Variants in USH2A observed in about 807,000 individuals in gnomAD.
USH2A encodes the protein usherin, also known as Usher syndrome 2A (autosomal recessive, mild).
USH2A carries 443 observed loss-of-function variants against 538.9 expected under a neutral mutation model. That is an observed-to-expected ratio of 0.82 (90% CI 0.76 to 0.89). The LOEUF is 0.89. Ranked by LOEUF, USH2A falls within the 40% of genes least tolerant of loss-of-function variation. The pLI, the probability that USH2A is intolerant of heterozygous loss-of-function variation, is 0.00. For missense variants in USH2A, 6,633 were observed against 6,324.8 expected (o/e 1.05, Z -1.65); for synonymous variants, 2,413 against 2,273.5 (o/e 1.06, Z -1.75).
intron 21 of USH2A, among the ~76,000 whole-genome samples, chr1:216,134,782 T>C (rs2033447962): frequency 6.6e-6 from 1 of 152,126 alleles, no homozygotes; most frequent in African/African-American, 2.4e-5. Flanking sequence ...CAGAAACCAT[T>C]GCTTGATTGT....
rs999742801 is a variant in USH2A, at chr1:215,743,600, G to C, written c.11390-265C>G. On this transcript the variant is annotated intron_variant, in intron 58 of 71. Coordinates refer to ENST00000307340, the MANE Select transcript of USH2A (RefSeq NM_206933.4). ...TCCCAGCACTTTGGGAGGTTGAGGT[G>C]GGCTGATCACAAGGTCAGGAGATGG... Among the ~76,000 whole-genome samples, 4 of 151,210 alleles carry C rather than the reference G, an allele frequency of 2.6e-5. No homozygotes were observed. In the East Asian group the frequency reaches 7.8e-4, roughly 30 times the overall value.
At chr1:215,664,867 C>T (rs1558043564) in intron 64 of USH2A, among the ~76,000 whole-genome samples, 1 of 152,130 alleles carries the variant, frequency 6.6e-6, no homozygotes, top group Non-Finnish European at 1.5e-5. Flanking sequence ...TGACCTTGTA[C>T]TTTCCCGCCT....
At chr1:216,055,974 C>T (rs17025974) in intron 30 of USH2A, among the ~76,000 whole-genome samples, 6,064 of 152,238 alleles carry the variant, frequency 0.04, 425 homozygotes, top group African/African-American at 0.14. Flanking sequence ...GATGTTGATT[C>T]TTACAAACAG....
intron 40 of USH2A, among the ~76,000 whole-genome samples, chr1:215,897,569 A>G (rs1405680580): frequency 4.6e-5 from 7 of 151,964 alleles, no homozygotes; most frequent in Non-Finnish European, 8.8e-5. Context: ...GGCATCTGTA[A>G]TCCCAGCTAC....
At chr1:215,960,748 C>G (rs1419524633) in intron 37 of USH2A, among the ~76,000 whole-genome samples, 2 of 151,962 alleles carry the variant, frequency 1.3e-5, no homozygotes, top group Non-Finnish European at 2.9e-5. Context: ...TAATTTTTGC[C>G]ATTCACATGT....
chr1:216,097,353 C>T, intron 21 of USH2A, 140 bp from the exon 22 acceptor site: 1 of 1,456,830 alleles, frequency 6.9e-7, no homozygotes, highest in Non-Finnish European at 9.4e-7. Context: ...CTCGCATGGT[C>T]TAGGCCATTT....
At chr1:215,680,991 G>A (rs891290500) in intron 61 of USH2A, among the ~76,000 whole-genome samples, 3 of 152,006 alleles carry the variant, frequency 2.0e-5, no homozygotes, top group African/African-American at 7.3e-5. Flanking sequence ...TATTAATATA[G>A]ATATAAAAAT....
In USH2A at chr1:216,000,479, A is replaced by T. The variant is rs1173524277; in HGVS notation, c.6409T>A (p.Tyr2137Asn). 1 of 1,613,710 alleles carries T rather than the reference A, an allele frequency of 6.2e-7. No individual in the cohort carries two copies. The highest frequency in any genetic ancestry group is 8.5e-7 in the Non-Finnish European group (1 of 1,179,722). Residue 2137 changes from tyrosine to asparagine, a missense_variant, in exon 33 of 72, where the codon TAC becomes AAC. Coordinates refer to ENST00000307340, the MANE Select transcript of USH2A (RefSeq NM_206933.4). ...TGTTCTGGTGGCAGCTGTGCTGTGT[A>T]CAGTAGGACCCAGGAACTGTTTGTA... ...GCTNSSWVLL[Y>N]TAQLPPEHVD...
chr1:216,086,679 A>T, intron 24 of USH2A, 40 bp downstream of exon 24: 1 of 1,409,384 alleles, frequency 7.1e-7, no homozygotes, highest in Non-Finnish European at 1.0e-6. Flanking sequence ...TTCTATTCTA[A>T]GTTTGGATGA....
chr1:216,288,433 C>A (rs559476208), intron 11 of USH2A, among the ~76,000 whole-genome samples: 2 of 152,132 alleles, frequency 1.3e-5, no homozygotes, highest in African/African-American at 4.8e-5. Flanking sequence ...TTTGGGAAAG[C>A]AATTTTTAAT....
intron 38 of USH2A, among the ~76,000 whole-genome samples, chr1:215,923,413 G>T (rs1666151995): frequency 6.6e-6 from 1 of 152,034 alleles, no homozygotes; most frequent in Admixed American, 6.6e-5. Flanking sequence ...ACTCTTTGAG[G>T]GGCAACATGG....
At chr1:215,973,924 T>A (rs1041559854) in intron 35 of USH2A, among the ~76,000 whole-genome samples, 6 of 141,912 alleles carry the variant, frequency 4.2e-5, no homozygotes, top group Non-Finnish European at 7.5e-5. Context: ...GAAGTCTAAC[T>A]TTAACATAGG....
chr1:215,789,930 G>T, intron 51 of USH2A, 129 bp downstream of exon 51: 2 of 816,164 alleles, frequency 2.5e-6, no homozygotes, highest in Non-Finnish European at 3.9e-6. Flanking sequence ...GTATTAATAT[G>T]GATGTAATGT....
chr1:215,879,138 A>C, intron 41 of USH2A, 40 bp from the exon 42 acceptor site: 1 of 1,563,256 alleles, frequency 6.4e-7, no homozygotes, highest in South Asian at 1.1e-5. Flanking sequence ...GTGACGATAC[A>C]GGAATAGAGC....
intron 61 of USH2A, among the ~76,000 whole-genome samples, chr1:215,725,693 C>T (rs1659796732): frequency 6.6e-6 from 1 of 152,130 alleles, no homozygotes; most frequent in East Asian, 1.9e-4. Context: ...CTAATCTATT[C>T]GACATTGCAA....
chr1:215,901,956 T>C (rs1665513152), intron 38 of USH2A, among the ~76,000 whole-genome samples: 1 of 152,168 alleles, frequency 6.6e-6, no homozygotes, highest in Non-Finnish European at 1.5e-5. Flanking sequence ...CTTTATAGAA[T>C]TGTTGTGAAG....
intron 25 of USH2A, among the ~76,000 whole-genome samples, chr1:216,084,104 C>G (rs912919702): frequency 7.2e-5 from 11 of 151,992 alleles, no homozygotes; most frequent in Non-Finnish European, 1.5e-5. Flanking sequence ...CTCCCCTTCC[C>G]CTGGGTGGAA....
At chr1:215,862,880 C>T (rs1349509494) in intron 44 of USH2A, among the ~76,000 whole-genome samples, 1 of 152,088 alleles carries the variant, frequency 6.6e-6, no homozygotes, top group East Asian at 1.9e-4. Flanking sequence ...TTTAAGTATC[C>T]CTGATCCCAA....
intron 63 of USH2A, among the ~76,000 whole-genome samples, chr1:215,672,298 A>C (rs1657842201): frequency 6.8e-6 from 1 of 147,282 alleles, no homozygotes; most frequent in Non-Finnish European, 1.5e-5. Context: ...TCTATTTTCT[A>C]CCTCCCCTCT....
Sources: gnomAD v4.1 joint callset for allele counts (sites outside exome capture counted in the v4.1 genomes callset) on GRCh38, gnomAD v4.1.1 for gene constraint, MANE v1.5 for transcripts, NCBI Gene and HGNC (gene_info 2026-07-23, HGNC 2026-07-21) for gene names.